The following TMCC1 variants were observed in gnomAD, a reference collection of about 807,000 sequenced individuals.
TMCC1 encodes transmembrane and coiled-coil domains protein 1.
Under a neutral mutation model 52.4 loss-of-function variants are expected in TMCC1, and 15 were observed. The observed-to-expected ratio is 0.29, with a 90% CI of 0.19 to 0.44. The LOEUF is 0.44. Among genes scored for constraint, TMCC1 ranks in the 20% least tolerant of loss-of-function variants. The pLI, the probability that TMCC1 is intolerant of heterozygous loss-of-function variation, is 1.00. For synonymous variants in TMCC1, 279 were observed against 301.9 expected, an observed-to-expected ratio of 0.92 and a Z score of 0.79; for missense variants, 503 against 806.0, an observed-to-expected ratio of 0.62 and a Z score of 4.55.
intron 4 of TMCC1, among the ~76,000 whole-genome samples, chr3:129,781,316 A>T (rs1478434499): frequency 6.6e-6 from 1 of 152,162 alleles, no homozygotes; most frequent in African/African-American, 2.4e-5. Flanking sequence ...TCACTCAATA[A>T]ATGAACTATG....
At chr3:129,730,104 C>T (rs2050425631) in intron 4 of TMCC1, among the ~76,000 whole-genome samples, 1 of 152,052 alleles carries the variant, frequency 6.6e-6, no homozygotes, top group East Asian at 1.9e-4. Context: ...TGCTTTTGCA[C>T]CATTGTAAAG....
chr3:129,785,585 A>AC lies in TMCC1; in HGVS notation c.576+42217_576+42218insG, dbSNP rs763473979. Among the ~76,000 whole-genome samples the AC allele has an allele frequency of 2.3e-3, 344 of 148,768 alleles. 3 individuals are homozygous for AC. Among genetic ancestry groups the AC allele is most frequent in the East Asian group, 1.2e-3 (6 of 5,144 alleles). On this transcript the variant is annotated intron_variant, in intron 4 of 6. Transcript: ENST00000393238. ...TACACACACACACACACACACACACAAACACACACACACACATACACACAC... is the reference window on the plus strand; with the variant it reads ...TACACACACACACACACACACACACACAACACACACACACACATACACACAC...
At chr3:129,690,981 G>A (rs2046991567) in intron 4 of TMCC1, among the ~76,000 whole-genome samples, 1 of 152,072 alleles carries the variant, frequency 6.6e-6, no homozygotes, top group South Asian at 2.1e-4. Flanking sequence ...AGCTCCCAAA[G>A]GAAATCCTAA....
intron 4 of TMCC1, among the ~76,000 whole-genome samples, chr3:129,807,688 G>C (rs1400289869): frequency 6.6e-6 from 1 of 152,120 alleles, no homozygotes; most frequent in African/African-American, 2.4e-5. Flanking sequence ...GAAGCTAAAA[G>C]CTAACAATAC....
chr3:129,852,545 A>G (rs2059964925), intron 2 of TMCC1, among the ~76,000 whole-genome samples: 1 of 152,060 alleles, frequency 6.6e-6, no homozygotes, highest in Admixed American at 6.6e-5. Context: ...GAGGACAGAC[A>G]TAAAATAAGC....
chr3:129,764,753 GTGTGTATATATATA>G (rs1432822896), intron 4 of TMCC1, among the ~76,000 whole-genome samples: 6 of 4,610 alleles, frequency 1.3e-3, no homozygotes, highest in African/African-American at 3.5e-3. Flanking sequence ...GTGTGTGTGT[GTGTGTATATATATA>G]TATATATATA....
At chr3:129,786,990 T>C (rs528727682) in intron 4 of TMCC1, among the ~76,000 whole-genome samples, 1 of 152,338 alleles carries the variant, frequency 6.6e-6, no homozygotes, top group South Asian at 2.1e-4. Flanking sequence ...CTTGAATTTA[T>C]TTACTTTTGC....
intron 4 of TMCC1, among the ~76,000 whole-genome samples, chr3:129,798,029 C>G (rs1211333435): frequency 7.1e-6 from 1 of 140,464 alleles, no homozygotes; most frequent in Non-Finnish European, 1.5e-5. Flanking sequence ...AAGTCTCGCT[C>G]TTGTCCCCCA....
intron 2 of TMCC1, among the ~76,000 whole-genome samples, chr3:129,846,566 G>A (rs1016361724): frequency 1.1e-4 from 16 of 151,874 alleles, no homozygotes; most frequent in African/African-American, 3.6e-4. Flanking sequence ...ACCTACTAAG[G>A]GAATTTGTGA....
chr3:129,889,697 A>T (rs185678493), intron 1 of TMCC1, among the ~76,000 whole-genome samples: 5 of 152,328 alleles, frequency 3.3e-5, no homozygotes, highest in African/African-American at 9.6e-5. Flanking sequence ...GACACAAAAG[A>T]TACTTAAAAT....
At chr3:129,847,604 A>G (rs540599975) in intron 2 of TMCC1, 1 of 152,324 alleles carries the variant, frequency 6.6e-6, no homozygotes, top group African/African-American at 2.4e-5. Context: ...TACAGTTTTT[A>G]GCTATTACCA....
intron 4 of TMCC1, among the ~76,000 whole-genome samples, chr3:129,707,406 T>C (rs2048328815): frequency 6.6e-6 from 1 of 152,192 alleles, no homozygotes; most frequent in African/African-American, 2.4e-5. Context: ...GGAAAAATCA[T>C]TCAAAATTAA....
At chr3:129,723,890 T>G (rs540244919) in intron 4 of TMCC1, among the ~76,000 whole-genome samples, 1 of 149,708 alleles carries the variant, frequency 6.7e-6, no homozygotes, top group East Asian at 2.0e-4. Context: ...CAGGACTAAC[T>G]AACTATAGGA....
At chr3:129,726,349 T>A (rs1231273034) in intron 4 of TMCC1, among the ~76,000 whole-genome samples, 2 of 151,808 alleles carry the variant, frequency 1.3e-5, no homozygotes, top group Non-Finnish European at 2.9e-5. Context: ...ACTTTTGAGA[T>A]CATCTGTGTT....
intron 4 of TMCC1, among the ~76,000 whole-genome samples, chr3:129,717,211 T>C (rs1177433400): frequency 6.6e-6 from 1 of 152,186 alleles, no homozygotes; most frequent in Non-Finnish European, 1.5e-5. Context: ...ATCTCATCGG[T>C]CTACTAAAAA....
intron 4 of TMCC1, among the ~76,000 whole-genome samples, chr3:129,706,999 G>A (rs1159122872): frequency 2.2e-4 from 34 of 151,412 alleles, no homozygotes; most frequent in Admixed American, 2.1e-3. Context: ...TAACTGGAGG[G>A]GAAAAAAAAA....
chr3:129,799,098 A>G (rs915126514), intron 4 of TMCC1, among the ~76,000 whole-genome samples: 1 of 152,232 alleles, frequency 6.6e-6, no homozygotes. Flanking sequence ...GTGATCAAAA[A>G]TTTGAGTACC....
At chr3:129,887,670 T>C (rs1224727071) in intron 1 of TMCC1, among the ~76,000 whole-genome samples, 3 of 151,510 alleles carry the variant, frequency 2.0e-5, no homozygotes, top group Non-Finnish European at 4.4e-5. Flanking sequence ...CTTTTTAAAA[T>C]ATAATATATT....
intron 4 of TMCC1, among the ~76,000 whole-genome samples, chr3:129,739,091 AAAG>A (rs1393182404): frequency 6.6e-6 from 1 of 152,190 alleles, no homozygotes; most frequent in African/African-American, 2.4e-5. Flanking sequence ...TGCTGGGATT[AAAG>A]GCAGGAGCCA....
Sources: gnomAD v4.1 joint callset for allele counts (sites outside exome capture counted in the v4.1 genomes callset) on GRCh38, gnomAD v4.1.1 for gene constraint, MANE v1.5 for transcripts, NCBI Gene and HGNC (gene_info 2026-07-23, HGNC 2026-07-21) for gene names.